CFAP46: variants seen among roughly 807,000 people sequenced by gnomAD.
CFAP46 encodes the protein cilia and flagella associated protein 46, also known as cilia- and flagella-associated protein 46.
CFAP46 carries 245 observed loss-of-function variants against 325.7 expected under a neutral mutation model. The observed-to-expected ratio is 0.75, with a 90% confidence interval of 0.68 to 0.84. CFAP46 has a LOEUF of 0.84. Ranked by LOEUF, CFAP46 falls within the 40% of genes least tolerant of loss-of-function variation. CFAP46 has a pLI of 0.00. For synonymous variants in CFAP46, 1,523 were observed against 1,495.9 expected, an observed-to-expected ratio of 1.02 and a Z score of -0.42; for missense variants, 3,346 against 3,543.0, an observed-to-expected ratio of 0.94 and a Z score of 1.41.
intron 16 of CFAP46, among the ~76,000 whole-genome samples, chr10:132,917,558 G>GC (rs1849659456): frequency 9.9e-5 from 15 of 152,156 alleles, no homozygotes; most frequent in Admixed American, 9.8e-4. Flanking sequence ...CAAATGCCGA[G>GC]GTACCATCTC....
At chr10:132,912,140 ATCTCTCTC>A (rs1284356383) in intron 19 of CFAP46, among the ~76,000 whole-genome samples, 1 of 11,862 alleles carries the variant, frequency 8.4e-5, no homozygotes, top group African/African-American at 3.4e-4. Flanking sequence ...CCACCCCCAC[ATCTCTCTC>A]TCTCTCCTCT....
intron 7 of CFAP46, among the ~76,000 whole-genome samples, chr10:132,935,543 C>T (rs1428920785): frequency 2.2e-5 from 3 of 136,078 alleles, no homozygotes; most frequent in African/African-American, 5.7e-5. Flanking sequence ...TCACTCCCCT[C>T]GGCACCCAAA....
intron 39 of CFAP46, among the ~76,000 whole-genome samples, chr10:132,854,768 C>T (rs1848615831): frequency 6.6e-6 from 1 of 152,138 alleles, no homozygotes; most frequent in South Asian, 2.1e-4. Flanking sequence ...ACGACATTTT[C>T]ATCACTCCAA....
chr10:132,926,172 A>G (rs997830972), intron 10 of CFAP46, among the ~76,000 whole-genome samples: 2 of 152,172 alleles, frequency 1.3e-5, no homozygotes, highest in African/African-American at 4.8e-5. Flanking sequence ...TTTGCCCCTC[A>G]TCATTAGGAC....
Position 132,834,056 on chromosome 10 carries a change from A to G in CFAP46, c.6934T>C (p.Ser2312Pro). ...SKGKDKERKT[S>P]TGQHSTVQPE... The stretch of plus-strand genomic sequence containing the variant: ...CCCCACTCACTGTGTTGTCCTGTGG[A>G]CGTTTTCCTCTCCTTGTCTTTGCCC... Residue 2312 changes from serine (S) to proline (P), a missense_variant, in exon 49 of 58, where the codon TCC becomes CCC. Transcript: ENST00000368586. The G allele has an allele frequency of 1.2e-6, 2 of 1,613,966 alleles. No homozygotes were observed. Among genetic ancestry groups the G allele is most frequent in the African/African-American group, 1.3e-5 (1 of 75,024 alleles).
intron 26 of CFAP46, 33 bp from the exon 27 acceptor site, chr10:132,885,319 G>A: frequency 2.0e-6 from 3 of 1,519,458 alleles, no homozygotes; most frequent in Non-Finnish European, 2.7e-6. Flanking sequence ...ACCAACGTCA[G>A]GATCGGGTGG....
chr10:132,822,476 CTG>C (rs1434009020), intron 50 of CFAP46, among the ~76,000 whole-genome samples: 6 of 117,962 alleles, frequency 5.1e-5, no homozygotes, highest in African/African-American at 1.0e-4. Context: ...CTGATGTGTG[CTG>C]TGTGTGCTGT....
At chr10:132,824,223 GTGT>G (rs1232377885) in intron 50 of CFAP46, among the ~76,000 whole-genome samples, 1 of 138,850 alleles carries the variant, frequency 7.2e-6, no homozygotes, top group Non-Finnish European at 1.5e-5. Context: ...TGTGTGCTGT[GTGT>G]TGTGTGTGCT....
Position 132,884,093 on chromosome 10 carries a change from G to C in CFAP46, c.3627+1010C>G, listed in dbSNP as rs748153337. On this transcript the variant is annotated intron_variant, in intron 27 of 57. Transcript: ENST00000368586. This position sits in a 1 kb window ranked among gnomAD's most constrained non-coding sequence, Gnocchi z 5.4. Reference sequence around the variant, plus strand: ...CCCCGAGGCCCAGTGCAGCTCAGCTGGGTCCTGCCTTCCCCAGCCGCCCGC... The same window carrying C: ...CCCCGAGGCCCAGTGCAGCTCAGCTCGGTCCTGCCTTCCCCAGCCGCCCGC... Among the ~76,000 whole-genome samples the C allele has an allele frequency of 1.2e-4, 19 of 152,334 alleles. No individual in the cohort carries two copies. Among genetic ancestry groups the C allele is most frequent in the Non-Finnish European group, 1.8e-4 (12 of 68,028 alleles).
At position 132,846,196 on chromosome 10, in the gene CFAP46, A is replaced by T. The variant is rs1848433226; in HGVS notation, c.6299T>A (p.Val2100Asp). The T allele has an allele frequency of 6.2e-7, 1 of 1,612,030 alleles. No individual in the cohort carries two copies. The highest frequency in any genetic ancestry group is 8.5e-7 in the Non-Finnish European group (1 of 1,179,654). Reference sequence around the variant, plus strand: ...GGTGTTGGCTGTGGCTGCAAGCAGGACATCCCTCATCGTCTCTGAGGCCGA... The same window carrying T: ...GGTGTTGGCTGTGGCTGCAAGCAGGTCATCCCTCATCGTCTCTGAGGCCGA... ...SCSASETMRD[V>D]LLAATANTSS... Residue 2100 changes from valine to aspartate, a missense_variant, in exon 44 of 58, where the codon GTC (valine) becomes GAC (aspartate). Physicochemically the swap from Val to Asp is radical, Grantham distance 152. Transcript: ENST00000368586.
At chr10:132,831,218 T>TCCTG (rs1554876169) in intron 50 of CFAP46, among the ~76,000 whole-genome samples, 4 of 54,804 alleles carry the variant, frequency 7.3e-5, no homozygotes, top group African/African-American at 5.4e-4. Flanking sequence ...TTGTCAAATG[T>TCCTG]TCTGTGTGTG....
In CFAP46 at chr10:132,845,066, C is replaced by T. The variant is rs1296521983; in HGVS notation, c.6438+991G>A. Among the ~76,000 whole-genome samples, 3 of 152,308 alleles carry T rather than the reference C, an allele frequency of 2.0e-5. No individual in the cohort carries two copies. In the East Asian group the frequency reaches 5.8e-4, roughly 29 times the overall value. ...ATGCCCAGCTTAGACCACAGGCGCC[C>T]CCAACGCCCAGCTTAGCCCATTTTA... On this transcript the variant is annotated intron_variant, in intron 44 of 57. Transcript: ENST00000368586.
At chr10:132,820,400 G>A (rs888821727) in intron 50 of CFAP46, among the ~76,000 whole-genome samples, 3 of 152,270 alleles carry the variant, frequency 2.0e-5, no homozygotes, top group Admixed American at 2.0e-4. Flanking sequence ...GGTGCAGGAT[G>A]AGGAAGCTCC....
At chr10:132,922,041 G>A (rs1039739928) in intron 13 of CFAP46, 63 bp downstream of exon 13, 24 of 1,509,842 alleles carry the variant, frequency 1.6e-5, no homozygotes, top group Admixed American at 1.5e-4. Context: ...AGGCCCCGGG[G>A]CAGCCTGGGA....
Position 132,843,803 on chromosome 10 carries a change from C to CCT in CFAP46, c.6438+2253_6438+2254insAG, listed in dbSNP as rs1564774554. ...CCAGGGTGCTGTGGGGCTCTGGTCT[C>CCT]GGTGGGTGTTCCCAGGGTGCTGTGG... On this transcript the variant is annotated intron_variant, in intron 44 of 57. Transcript: ENST00000368586. Among the ~76,000 whole-genome samples the CCT allele has an allele frequency of 7.4e-3, 570 of 77,156 alleles. 11 individuals are homozygous for CCT. Among genetic ancestry groups the CCT allele is most frequent in the Non-Finnish European group, 8.9e-3 (334 of 37,470 alleles). 50.6% of individuals were successfully genotyped at this position (77,156 alleles called of 152,430 possible).
rs1389724505 is a variant in CFAP46 at position 132,887,000 on chromosome 10, C to A, written c.3305-1041G>T. On this transcript the variant is annotated intron_variant, in intron 25 of 57. Transcript: ENST00000368586. The surrounding 1 kb of genome is among the most constrained non-coding windows in gnomAD (Gnocchi z 5.8). ...ATCTGTCTTCTCTCTTTTCTCTTCT[C>A]TCTCTCTCGCCTCTCTCTCTGCTCT... Among the ~76,000 whole-genome samples, 1 of 151,994 alleles carries A rather than the reference C, an allele frequency of 6.6e-6. No individual in the cohort carries two copies. The highest frequency in any genetic ancestry group is 1.9e-4 in the East Asian group (1 of 5,186).
chr10:132,880,643 A>G (rs1460178215), intron 28 of CFAP46, among the ~76,000 whole-genome samples: 1 of 57,218 alleles, frequency 1.7e-5, no homozygotes, highest in Non-Finnish European at 3.5e-5. Context: ...GCCCCTGCAG[A>G]GGACAGCACT....
In CFAP46 at chr10:132,845,515, G is replaced by A. The variant is rs1486089513; in HGVS notation, c.6438+542C>T. 3.9e-5 allele frequency among the ~76,000 whole-genome samples: 6 copies of A among 152,344 alleles called. No homozygotes were observed. In the East Asian group the frequency reaches 1.2e-3, roughly 29 times the overall value. On this transcript the variant is annotated intron_variant, in intron 44 of 57. Coordinates refer to ENST00000368586, the MANE Select transcript of CFAP46 (RefSeq NM_001200049.3). ...CCAGGGAGGCAGCCACGCAGCCGAA[G>A]GAGGGAGGGGCCCCATTAGGCCATG...
intron 50 of CFAP46, among the ~76,000 whole-genome samples, chr10:132,821,897 TTGTGTGAGTGCTGATGTGTGC>T (rs1314447889): frequency 3.3e-5 from 4 of 122,422 alleles, no homozygotes; most frequent in East Asian, 2.8e-4. Context: ...GTGATGTGTG[TTGTGTGAGTGCTGATGTGTGC>T]TGTGTGTGCG....
Sources: allele counts gnomAD v4.1 joint callset (sites outside exome capture counted in the v4.1 genomes callset), GRCh38; gene constraint gnomAD v4.1.1; non-coding constraint Gnocchi (gnomAD v3.1); transcripts MANE v1.5; gene names NCBI Gene and HGNC (gene_info 2026-07-23, HGNC 2026-07-21).